The following SGCZ variants were observed in gnomAD, a reference collection of about 807,000 sequenced individuals.
SGCZ encodes the protein sarcoglycan zeta.
SGCZ carries 40 observed loss-of-function variants against 41.3 expected under a neutral mutation model. The ratio of observed to expected loss-of-function variants is 0.97; its 90% CI spans 0.75 to 1.26. SGCZ has a LOEUF of 1.26. SGCZ is among the 50% of genes most tolerant of loss of function. The pLI is 0.00. For synonymous variants in SGCZ, 206 were observed against 137.5 expected, an observed-to-expected ratio of 1.50 and a Z score of -3.49; for missense variants, 552 against 369.8, an observed-to-expected ratio of 1.49 and a Z score of -4.04.
rs1223617614 is a variant in SGCZ at position 15,238,123 on chromosome 8, C to A, written c.-500G>T. Reference sequence around the variant, plus strand: ...CTGGTAGGTAATTTAGCTCCAGTCCCAGGCATTAGCAATGATCAGTTTCCC... The same window carrying A: ...CTGGTAGGTAATTTAGCTCCAGTCCAAGGCATTAGCAATGATCAGTTTCCC... On this transcript the variant is annotated 5_prime_UTR_variant, in exon 1 of 8. Coordinates refer to ENST00000382080, the MANE Select transcript of SGCZ (RefSeq NM_139167.4). The A allele has an allele frequency of 1.3e-5, 2 of 153,430 alleles. No homozygotes were observed. Among genetic ancestry groups the A allele is most frequent in the East Asian group, 1.9e-4 (1 of 5,206 alleles). The allele number at this position is 153,430 out of a possible 1,614,324, so 9.5% of individuals were successfully genotyped here. A position where few individuals can be genotyped will look rare whatever the true frequency, so the allele number is the denominator to read the frequency against.
chr8:15,211,044 TATAG>T (rs1423354808), intron 1 of SGCZ, among the ~76,000 whole-genome samples: 5 of 146,610 alleles, frequency 3.4e-5, no homozygotes, highest in African/African-American at 1.0e-4. Flanking sequence ...TAGATATAGA[TATAG>T]ATAGATATAG....
chr8:14,979,211 C>T (rs1280223031), intron 1 of SGCZ, among the ~76,000 whole-genome samples: 2 of 152,186 alleles, frequency 1.3e-5, no homozygotes, highest in African/African-American at 4.8e-5. Context: ...CATATCATCT[C>T]AGGTAACATC....
chr8:14,459,421 A>AAATAAAAT (rs912515089), intron 2 of SGCZ, among the ~76,000 whole-genome samples: 1 of 151,208 alleles, frequency 6.6e-6, no homozygotes, highest in South Asian at 2.1e-4. Context: ...GTATAATAAA[A>AAATAAAAT]AATAAAATAA....
At chr8:14,526,005 A>T (rs532425315) in intron 2 of SGCZ, among the ~76,000 whole-genome samples, 1 of 152,162 alleles carries the variant, frequency 6.6e-6, no homozygotes, top group Non-Finnish European at 1.5e-5. Context: ...TAGTAGTATT[A>T]GGTTTCTGTA....
At chr8:14,270,444 C>A (rs183601554) in intron 3 of SGCZ, among the ~76,000 whole-genome samples, 7 of 152,286 alleles carry the variant, frequency 4.6e-5, no homozygotes, top group Admixed American at 3.9e-4. Flanking sequence ...ATCCCAGTTA[C>A]ATTTTAAAAT....
chr8:14,201,639 G>A (rs1350861941), intron 4 of SGCZ, among the ~76,000 whole-genome samples: 1 of 152,138 alleles, frequency 6.6e-6, no homozygotes, highest in Non-Finnish European at 1.5e-5. Context: ...GGGAGTGGAT[G>A]CTAGGTTTGA....
At chr8:14,427,083 AAT>A (rs1253909944) in intron 2 of SGCZ, among the ~76,000 whole-genome samples, 3 of 121,208 alleles carry the variant, frequency 2.5e-5, no homozygotes, top group African/African-American at 1.7e-4. Flanking sequence ...TGAACGAATG[AAT>A]GAGTGAATGA....
chr8:14,094,543 C>A (rs1269101199), intron 7 of SGCZ, among the ~76,000 whole-genome samples: 1 of 152,090 alleles, frequency 6.6e-6, no homozygotes, highest in African/African-American at 2.4e-5. Context: ...CATTGATGGG[C>A]ATTTGGGTTG....
At chr8:15,100,785 C>A (rs1360790424) in intron 1 of SGCZ, among the ~76,000 whole-genome samples, 2 of 152,048 alleles carry the variant, frequency 1.3e-5, no homozygotes, top group Non-Finnish European at 2.9e-5. Flanking sequence ...AAATTCAAGT[C>A]CGGCCTGGGC....
rs73519355 is a variant in SGCZ, at chr8:14,461,858, G to A, written c.234+92874C>T. Among the ~76,000 whole-genome samples the A allele has an allele frequency of 5.1e-3, 777 of 152,062 alleles. 7 individuals carry two copies. Among genetic ancestry groups the A allele is most frequent in the African/African-American group, 0.018 (748 of 41,504 alleles). The stretch of plus-strand genomic sequence containing the variant: ...TGCAGTACACTCTAAGCTCTTTCAG[G>A]ACCAATGCACAGGAGTTATTGAGAC... On this transcript the variant is annotated intron_variant, in intron 2 of 7. Coordinates refer to ENST00000382080, the MANE Select transcript of SGCZ (RefSeq NM_139167.4).
In SGCZ at chr8:14,450,311, T is replaced by G. The variant is rs531715687; in HGVS notation, c.234+104421A>C. On this transcript the variant is annotated intron_variant, in intron 2 of 7. Transcript: ENST00000382080. ...AAACACTCTCATGAATTCCTAATCC[T>G]GCAAGTATTGCGGTATGCATATACG... is the stretch of plus-strand genomic sequence containing the variant. Among the ~76,000 whole-genome samples the G allele has an allele frequency of 2.8e-5, 4 of 143,454 alleles. No individual in the cohort carries two copies. The East Asian group carries it at 8.0e-4, about 29-fold the overall frequency. 94.1% of individuals were successfully genotyped at this position (143,454 alleles called of 152,430 possible).
intron 1 of SGCZ, among the ~76,000 whole-genome samples, chr8:14,667,043 A>G (rs1401040410): frequency 6.6e-6 from 1 of 152,120 alleles, no homozygotes; most frequent in Non-Finnish European, 1.5e-5. Flanking sequence ...ATAGAGACAT[A>G]TAGAGAGAGA....
At chr8:15,173,299 A>T (rs755512478) in intron 1 of SGCZ, among the ~76,000 whole-genome samples, 2 of 152,198 alleles carry the variant, frequency 1.3e-5, no homozygotes, top group Non-Finnish European at 2.9e-5. Flanking sequence ...GATCTCCAGG[A>T]ATTTTTCATC....
intron 1 of SGCZ, among the ~76,000 whole-genome samples, chr8:14,847,159 GAAGAAGAAGAAGAAGAAGAAGAAGAA>G (rs1334024996): frequency 2.7e-5 from 4 of 150,634 alleles, no homozygotes; most frequent in African/African-American, 9.8e-5. Flanking sequence ...AGAAGAAGAA[GAAGAAGAAGAAGAAGAAGAAGAAGAA>G]GAGAAAAATA....
chr8:14,954,896 T>G (rs1245043114), intron 1 of SGCZ, among the ~76,000 whole-genome samples: 2 of 152,204 alleles, frequency 1.3e-5, no homozygotes, highest in East Asian at 3.9e-4. Context: ...TACAGAGTAA[T>G]AGAAAACAAA....
intron 4 of SGCZ, among the ~76,000 whole-genome samples, chr8:14,182,098 A>G (rs1430878216): frequency 6.6e-6 from 1 of 152,146 alleles, no homozygotes; most frequent in Non-Finnish European, 1.5e-5. Flanking sequence ...CGCATAAGCC[A>G]TGGGTACACT....
intron 3 of SGCZ, among the ~76,000 whole-genome samples, chr8:14,291,305 A>G (rs1800833188): frequency 1.3e-5 from 2 of 151,530 alleles, no homozygotes; most frequent in South Asian, 4.2e-4. Flanking sequence ...GGTTTTTAAT[A>G]TTCTTACTGC....
intron 1 of SGCZ, among the ~76,000 whole-genome samples, chr8:15,033,104 C>G (rs1357315174): frequency 6.6e-6 from 1 of 152,048 alleles, no homozygotes; most frequent in African/African-American, 2.4e-5. Flanking sequence ...CTAGTAGGCT[C>G]AGGTCCAGGC....
intron 1 of SGCZ, among the ~76,000 whole-genome samples, chr8:14,723,774 T>C (rs1186302985): frequency 6.6e-6 from 1 of 152,096 alleles, no homozygotes; most frequent in Non-Finnish European, 1.5e-5. Context: ...ATATGAGTTT[T>C]ATGTTATCTA....
Sources: gnomAD v4.1 joint callset for allele counts (sites outside exome capture counted in the v4.1 genomes callset) on GRCh38, gnomAD v4.1.1 for gene constraint, MANE v1.5 for transcripts, NCBI Gene and HGNC (gene_info 2026-07-23, HGNC 2026-07-21) for gene names.